The following CCDC61 variants were observed in gnomAD, a reference collection of about 807,000 sequenced individuals.
The protein encoded by CCDC61 is centrosomal protein CCDC61.
Under a neutral mutation model 63.0 loss-of-function variants are expected in CCDC61, and 55 were observed. The observed-to-expected ratio is 0.87, with a 90% confidence interval of 0.70 to 1.09. CCDC61 has a LOEUF of 1.09. Ranked by LOEUF, CCDC61 falls within the 50% of genes least tolerant of loss-of-function variation. The pLI is 0.00. For synonymous variants in CCDC61, 270 were observed against 317.0 expected, an observed-to-expected ratio of 0.85 and a Z score of 1.58; for missense variants, 651 against 731.4, an observed-to-expected ratio of 0.89 and a Z score of 1.27.
At chr19:46,002,825 C>T (rs1165680763) in intron 1 of CCDC61, among the ~76,000 whole-genome samples, 183 bp from the exon 2 acceptor site, 2 of 152,140 alleles carry the variant, frequency 1.3e-5, no homozygotes, top group Non-Finnish European at 2.9e-5. Flanking sequence ...AACAAGTCCA[C>T]GAGGTTGGTG....
At chr19:46,017,421 T>A in intron 12 of CCDC61, 117 bp downstream of exon 12, 1 of 906,790 alleles carries the variant, frequency 1.1e-6, no homozygotes, top group East Asian at 2.7e-5. Context: ...AGGGCTTTTT[T>A]AAGAGTGCGT....
chr19:46,017,867 G>C (rs1968978674), intron 12 of CCDC61, among the ~76,000 whole-genome samples: 1 of 152,102 alleles, frequency 6.6e-6, no homozygotes, highest in Non-Finnish European at 1.5e-5. Context: ...TTGTTTATCA[G>C]TTAACCAGGG....
chr19:46,011,056 CTTTCT>C (rs201122055), intron 5 of CCDC61, among the ~76,000 whole-genome samples: 7 of 150,924 alleles, frequency 4.6e-5, no homozygotes, highest in Admixed American at 6.6e-5. Flanking sequence ...TCTTTTCTTT[CTTTCT>C]TTTTTTTTTT....
chr19:46,016,097 C>G lies in CCDC61; in HGVS notation c.889C>G (p.Arg297Gly), dbSNP rs1033806606. 8 of 1,237,186 alleles carry G rather than the reference C, an allele frequency of 6.5e-6. No individual in the cohort carries two copies. In the African/African-American group the frequency reaches 1.2e-4, roughly 19 times the overall value. 76.6% of individuals were successfully genotyped at this position (1,237,186 alleles called of 1,614,324 possible). A position where few individuals can be genotyped will look rare whatever the true frequency, so the allele number is the denominator to read the frequency against. Reference protein sequence around the residue: ...PVQPPPTREDRASSSRERSAS... With the variant: ...PVQPPPTREDGASSSRERSAS... ...GCAGCCGCCCCCGACGCGGGAGGACCGGGCCTCATCGTCCCGGGAGCGCTC... is the reference window on the plus strand; with the variant it reads ...GCAGCCGCCCCCGACGCGGGAGGACGGGGCCTCATCGTCCCGGGAGCGCTC... The change falls in exon 8 of 14, where the codon CGG becomes GGG. Residue 297 changes from arginine to glycine, a missense_variant. Transcript: ENST00000595358. The surrounding 1 kb of genome is among the most constrained non-coding windows in gnomAD (Gnocchi z 7.2).
chr19:46,017,432 C>A, intron 12 of CCDC61, 128 bp downstream of exon 12: 2 of 843,664 alleles, frequency 2.4e-6, no homozygotes, highest in Admixed American at 2.8e-5. Flanking sequence ...AAGAGTGCGT[C>A]TCGCTCTTTC....
chr19:46,000,120 G>A, intron 1 of CCDC61: 4 of 937,980 alleles, frequency 4.3e-6, no homozygotes, highest in Non-Finnish European at 5.1e-6. Flanking sequence ...AATCCTAGAA[G>A]TGGCGGTGGT....
Position 45,998,902 on chromosome 19 carries a change from T to C in CCDC61, c.-12+3398T>C, listed in dbSNP as rs570058738. On this transcript the variant is annotated intron_variant, in intron 1 of 13. Coordinates refer to ENST00000595358, the MANE Select transcript of CCDC61 (RefSeq NM_001267723.2). ...AATCTGAACCCAGAAGTACCCAGCC[T>C]GCAGCATGTGCCATGCTTAAGGTGT... 3.9e-5 allele frequency among the ~76,000 whole-genome samples: 6 copies of C among 152,290 alleles called. No homozygotes were observed. The South Asian group carries it at 1.2e-3, about 32-fold the overall frequency.
At chr19:45,995,787 T>G (rs139191096) in intron 1 of CCDC61, among the ~76,000 whole-genome samples, 11 of 152,112 alleles carry the variant, frequency 7.2e-5, no homozygotes, top group African/African-American at 2.7e-4. Flanking sequence ...GAGACGTCCT[T>G]GGAATGCAGC....
rs747634202 is a variant in CCDC61 at position 46,015,466 on chromosome 19, G to A, written c.845+39G>A. The A allele has an allele frequency of 1.3e-6, 2 of 1,567,108 alleles. No individual in the cohort carries two copies. Among genetic ancestry groups the A allele is most frequent in the South Asian group, 1.1e-5 (1 of 87,560 alleles). ...CTGCCAGGCGCCTGGGCGGATGGGC[G>A]GGCCCTGAGGGTGTGGAGGCTGATG... is the stretch of plus-strand genomic sequence containing the variant. On this transcript the variant is annotated intron_variant, in intron 7 of 13. Coordinates refer to ENST00000595358, the MANE Select transcript of CCDC61 (RefSeq NM_001267723.2). The surrounding 1 kb of genome is among the most constrained non-coding windows in gnomAD (Gnocchi z 5.3).
intron 1 of CCDC61, among the ~76,000 whole-genome samples, chr19:45,996,077 G>A (rs1223408497): frequency 6.6e-6 from 1 of 152,210 alleles, no homozygotes; most frequent in African/African-American, 2.4e-5. Context: ...GTTGAATCCC[G>A]AATTTGAATC....
Position 46,003,444 on chromosome 19 carries a change from A to AG in CCDC61, c.177dup (p.Asn60GlufsTer20). 1 of 1,584,236 alleles carries AG rather than the reference A, an allele frequency of 6.3e-7. No homozygotes were observed. Among genetic ancestry groups the AG allele is most frequent in the Non-Finnish European group, 8.6e-7 (1 of 1,162,178 alleles). On this transcript the variant is annotated frameshift_variant, in exon 3 of 14. Coordinates refer to ENST00000595358, the MANE Select transcript of CCDC61 (RefSeq NM_001267723.2). LOFTEE classifies it high-confidence loss of function. ...TCATTGAAGATTTGACTCACAAGAC[A>AG]GGGAACTTCAAACAGTTCAACATCT...
chr19:46,001,697 C>G (rs570735798), intron 1 of CCDC61, among the ~76,000 whole-genome samples: 352 of 152,358 alleles, frequency 2.3e-3, no homozygotes, highest in Non-Finnish European at 4.0e-3. Context: ...GTCAGGAGGT[C>G]TAGGGCCTAC....
In CCDC61 at chr19:46,016,301, C is replaced by T; in HGVS notation, c.1016-17C>T. ...CCGTCTCCGGACCTAGCCGCCTCCTCTCCCACGCCGTCCTAGGTGGTCGCG... is the reference window on the plus strand; with the variant it reads ...CCGTCTCCGGACCTAGCCGCCTCCTTTCCCACGCCGTCCTAGGTGGTCGCG... On this transcript the variant is annotated splice_polypyrimidine_tract_variant and intron_variant, in intron 8 of 13. Coordinates refer to ENST00000595358, the MANE Select transcript of CCDC61 (RefSeq NM_001267723.2). The surrounding 1 kb of genome is among the most constrained non-coding windows in gnomAD (Gnocchi z 7.2). The T allele has an allele frequency of 1.1e-5, 17 of 1,613,218 alleles. No homozygotes were observed. The highest frequency in any genetic ancestry group is 1.7e-5 in the Admixed American group (1 of 59,936).
intron 1 of CCDC61, among the ~76,000 whole-genome samples, chr19:45,996,843 C>A (rs184410867): frequency 1.1e-4 from 16 of 152,336 alleles, no homozygotes; most frequent in African/African-American, 3.4e-4. Context: ...AGTTTGTCTC[C>A]TGCTCTTACC....
intron 1 of CCDC61, among the ~76,000 whole-genome samples, chr19:46,002,295 C>T (rs778786804): frequency 8.6e-5 from 13 of 151,924 alleles, no homozygotes; most frequent in Non-Finnish European, 1.3e-4. Flanking sequence ...ATACCCCCGT[C>T]CCTCTTTCCA....
At chr19:46,006,412 G>A in intron 3 of CCDC61, 147 bp from the exon 4 acceptor site, 5 of 660,826 alleles carry the variant, frequency 7.6e-6, no homozygotes, top group South Asian at 2.4e-5. Context: ...TCTGCCCTAG[G>A]ACAGGGCCAT....
chr19:46,015,133 A>G lies in CCDC61; in HGVS notation c.636A>G (p.Ala212=). The change falls in exon 6 of 14, where the codon GCA becomes GCG. Residue 212 remains alanine (A), a synonymous_variant. Transcript: ENST00000595358. The surrounding 1 kb of genome is among the most constrained non-coding windows in gnomAD (Gnocchi z 5.3). ...SREEALAGRA[A]RQEAEALRGL... ...AGGAGGCGCTGGCCGGGCGCGCGGC[A>G]CGCCAGGAGGCCGAGGCGCTGCGCG... The G allele has an allele frequency of 4.7e-6, 6 of 1,286,496 alleles. No homozygotes were observed. The highest frequency in any genetic ancestry group is 5.9e-6 in the Non-Finnish European group (6 of 1,020,282). 79.7% of individuals were successfully genotyped at this position (1,286,496 alleles called of 1,614,324 possible).
intron 3 of CCDC61, among the ~76,000 whole-genome samples, chr19:46,004,930 T>C (rs1600643903): frequency 2.1e-5 from 3 of 141,958 alleles, no homozygotes; most frequent in African/African-American, 7.9e-5. Flanking sequence ...CCTCCGCGTC[T>C]CGGGTTCAAG....
chr19:46,000,084 G>A, intron 1 of CCDC61: 1 of 984,694 alleles, frequency 1.0e-6, no homozygotes, highest in Non-Finnish European at 1.2e-6. Flanking sequence ...AGCGGCGGGA[G>A]GGGAGAGGGG....
Sources: gnomAD v4.1 joint callset for allele counts (sites outside exome capture counted in the v4.1 genomes callset) on GRCh38, gnomAD v4.1.1 for gene constraint, Gnocchi (gnomAD v3.1) non-coding constraint, MANE v1.5 for transcripts, NCBI Gene and HGNC (gene_info 2026-07-23, HGNC 2026-07-21) for gene names.